Variants in CIB1 observed in about 807,000 individuals in gnomAD.
CIB1 encodes the protein calcium and integrin-binding protein 1.
A neutral mutation model predicts 25.0 loss-of-function variants in CIB1; 19 were observed. The observed-to-expected ratio is 0.76, with a 90% CI of 0.53 to 1.12. The LOEUF is 1.12. Ranked by LOEUF, CIB1 falls within the 50% of genes most tolerant of loss-of-function variation. The probability of loss-of-function intolerance (pLI) is 0.00; values close to 1 mark genes in which losing one functional copy is unlikely to be tolerated. For synonymous variants in CIB1, 104 were observed against 98.5 expected (o/e 1.06, Z -0.33); for missense variants, 236 against 242.6 (o/e 0.97, Z 0.18).
At chr15:90,253,401 C>T in the CIB1 span, 1 of 1,533,776 alleles carries the variant, frequency 6.5e-7, no homozygotes, top group Non-Finnish European at 9.0e-7. Flanking sequence ...CCGACAGGGG[C>T]TAGGGCCCCA....
chr15:90,232,258 T>C lies in CIB1; in HGVS notation c.156A>G (p.Gln52=). ...QRSVESSLRA[Q]VPFEQILSLP... is the part of the protein sequence containing the mutation. ...GGCTGAGAATCTGCTCGAAGGGCAC[T>C]TGTGCCCGAAGTGACGACTCCACGC... The change falls in exon 3 of 7, where the codon CAA becomes CAG. Residue 52 remains glutamine (Q), a synonymous_variant. Coordinates refer to ENST00000328649, the MANE Select transcript of CIB1 (RefSeq NM_006384.4). 2 of 1,613,002 alleles carry C rather than the reference T, an allele frequency of 1.2e-6. No individual in the cohort carries two copies. The highest frequency in any genetic ancestry group is 2.7e-5 in the African/African-American group (2 of 75,062).
At position 90,232,287 on chromosome 15, in the gene CIB1, G is replaced by A. The variant is rs376211426; in HGVS notation, c.127C>T (p.Arg43Trp). The change falls in exon 3 of 7, where the codon CGG becomes TGG. Residue 43 changes from arginine (R) to tryptophan (W), a missense_variant. By Grantham distance (101) the Arg-to-Trp change is moderately radical (BLOSUM62 -3). Coordinates refer to ENST00000328649, the MANE Select transcript of CIB1 (RefSeq NM_006384.4). The part of the protein sequence containing the change: ...RFCELLPQEQ[R>W]SVESSLRAQV... ...GCCCGAAGTGACGACTCCACGCTCC[G>A]CTGCTCCTGGGGAAGCAGCTCACAA... 8.7e-6 allele frequency: 14 copies of A among 1,611,874 alleles called. No homozygotes were observed. The highest frequency in any genetic ancestry group is 5.3e-5 in the African/African-American group (4 of 74,896).
In CIB1 at chr15:90,230,100, C is replaced by T; in HGVS notation, c.*384G>A. 1 of 282,884 alleles carries T rather than the reference C, an allele frequency of 3.5e-6. No homozygotes were observed. The highest frequency in any genetic ancestry group is 6.8e-6 in the Non-Finnish European group (1 of 146,892). The allele number at this position is 282,884 out of a possible 1,614,324, so 17.5% of individuals were successfully genotyped here. On this transcript the variant is annotated 3_prime_UTR_variant, in exon 7 of 7. Transcript: ENST00000328649. ...ACCTCCTGCTGCCCCTTCATCCTCACACCCTCCCACGGGGACAGCCAGCGT... is the reference window on the plus strand; with the variant it reads ...ACCTCCTGCTGCCCCTTCATCCTCATACCCTCCCACGGGGACAGCCAGCGT...
At chr15:90,254,825 G>A in the CIB1 span, among the ~76,000 whole-genome samples, 1,625 of 152,238 alleles carry the variant, frequency 0.011, 76 homozygotes, top group Admixed American at 0.075. Context: ...CAGCCTGGGC[G>A]ACAGAGGGAG....
At chr15:90,252,608 A>G in the CIB1 span, among the ~76,000 whole-genome samples, 1 of 152,198 alleles carries the variant, frequency 6.6e-6, no homozygotes, top group Non-Finnish European at 1.5e-5. Context: ...TCCCTCTGGC[A>G]TCTTTATAAG....
At chr15:90,241,799 G>A in the CIB1 span, 27 of 1,614,098 alleles carry the variant, frequency 1.7e-5, no homozygotes, top group East Asian at 2.2e-5. Context: ...GAGCTCCGCC[G>A]GGAAAGACAT....
chr15:90,258,105 A>T, the CIB1 span: 1 of 1,614,204 alleles, frequency 6.2e-7, no homozygotes, highest in African/African-American at 1.3e-5. Context: ...GTGGGGGGAC[A>T]TCGAGGACAT....
At chr15:90,242,089 CT>C in the CIB1 span, 6 of 1,557,396 alleles carry the variant, frequency 3.9e-6, no homozygotes, top group East Asian at 1.1e-4. Flanking sequence ...TATTTATGTT[CT>C]TTTTTTCTTT....
the CIB1 span, among the ~76,000 whole-genome samples, chr15:90,249,214 C>CAAAAAAAAA: frequency 1.1e-5 from 1 of 88,226 alleles, no homozygotes; most frequent in African/African-American, 4.9e-5. Context: ...GACCCCGTCT[C>CAAAAAAAAA]AAAAAAAAAA....
the CIB1 span, chr15:90,250,571 G>A: frequency 6.4e-7 from 1 of 1,552,010 alleles, no homozygotes; most frequent in East Asian, 2.3e-5. Flanking sequence ...GGGCCTGAGG[G>A]AGGTCTGAGG....
chr15:90,257,906 T>G, the CIB1 span: 1 of 964,628 alleles, frequency 1.0e-6, no homozygotes, highest in Admixed American at 2.3e-5. Context: ...TGATAACTAG[T>G]CCCTGCTCCA....
the CIB1 span, chr15:90,255,826 G>A: frequency 1.9e-6 from 3 of 1,614,184 alleles, no homozygotes; most frequent in Non-Finnish European, 2.5e-6. Flanking sequence ...TCAACCGCAT[G>A]TACAAACTCT....
At chr15:90,257,361 G>A in the CIB1 span, 1 of 1,514,130 alleles carries the variant, frequency 6.6e-7, no homozygotes, top group Middle Eastern at 2.0e-4. Context: ...AGAGAGGTTT[G>A]TCACTGTCAC....
the CIB1 span, among the ~76,000 whole-genome samples, chr15:90,246,107 CTACAAAAA>C: frequency 2.0e-5 from 3 of 152,056 alleles, no homozygotes; most frequent in Non-Finnish European, 4.4e-5. Context: ...AACCCAGTCT[CTACAAAAA>C]TACAAAAATT....
chr15:90,253,066 C>G, the CIB1 span, among the ~76,000 whole-genome samples: 1 of 152,050 alleles, frequency 6.6e-6, no homozygotes, highest in Non-Finnish European at 1.5e-5. Context: ...TTGGAAGGGC[C>G]CTGACAGCCC....
the CIB1 span, chr15:90,256,232 A>G: frequency 6.2e-7 from 1 of 1,614,196 alleles, no homozygotes; most frequent in Non-Finnish European, 8.5e-7. Context: ...TGGCATCTTC[A>G]TTACCCGAAA....
intron 2 of CIB1, among the ~76,000 whole-genome samples, chr15:90,232,823 T>C (rs1320207416): frequency 7.4e-5 from 3 of 40,408 alleles, no homozygotes; most frequent in Non-Finnish European, 5.5e-5. Flanking sequence ...GGAGAATCAC[T>C]TGAACCCGGA....
the CIB1 span, chr15:90,251,652 G>C: frequency 6.3e-7 from 1 of 1,586,282 alleles, no homozygotes; most frequent in South Asian, 1.1e-5. Flanking sequence ...TACAGCTGCT[G>C]TTCTTCCTCT....
At chr15:90,260,598 A>G in the CIB1 span, among the ~76,000 whole-genome samples, 3 of 152,250 alleles carry the variant, frequency 2.0e-5, no homozygotes, top group Admixed American at 6.5e-5. Context: ...CAGGCCTGTA[A>G]TCTCAGCCCT....
Sources: gnomAD v4.1 joint callset for allele counts (sites outside exome capture counted in the v4.1 genomes callset) on GRCh38, gnomAD v4.1.1 for gene constraint, MANE v1.5 for transcripts, NCBI Gene and HGNC (gene_info 2026-07-23, HGNC 2026-07-21) for gene names.